The following DNAH7 variants were observed in gnomAD, a reference collection of about 807,000 sequenced individuals.
DNAH7 encodes dynein axonemal heavy chain 7.
DNAH7 carries 397 observed loss-of-function variants against 444.6 expected under a neutral mutation model. The observed-to-expected ratio is 0.89, with a 90% confidence interval of 0.82 to 0.97. The LOEUF is 0.97. Among genes scored for constraint, DNAH7 ranks in the 50% least tolerant of loss-of-function variants. DNAH7 has a pLI of 0.00. For synonymous variants in DNAH7, 1,636 were observed against 1,624.4 expected, an observed-to-expected ratio of 1.01 and a Z score of -0.17; for missense variants, 4,902 against 4,800.8, an observed-to-expected ratio of 1.02 and a Z score of -0.62.
At chr2:195,776,373 A>G (rs989494815) in intron 59 of DNAH7, among the ~76,000 whole-genome samples, 1 of 151,962 alleles carries the variant, frequency 6.6e-6, no homozygotes, top group African/African-American at 2.4e-5. Context: ...AACCCAGGAG[A>G]CAGAAGTTGC....
intron 19 of DNAH7, among the ~76,000 whole-genome samples, chr2:195,945,540 C>T (rs961180952): frequency 2.6e-5 from 4 of 152,104 alleles, no homozygotes; most frequent in African/African-American, 9.7e-5. Context: ...ATCCAAATCC[C>T]AAATGAGTGT....
chr2:195,903,339 T>C (rs1686820446), intron 27 of DNAH7: 1 of 152,164 alleles, frequency 6.6e-6, no homozygotes, highest in South Asian at 2.1e-4. Context: ...AGCTGGATTT[T>C]AGTTGAATGA....
intron 27 of DNAH7, among the ~76,000 whole-genome samples, chr2:195,906,233 A>C (rs780065577): frequency 6.6e-6 from 1 of 152,058 alleles, no homozygotes; most frequent in Non-Finnish European, 1.5e-5. Flanking sequence ...CAAAATTAGC[A>C]CTATTTTAAA....
At chr2:195,819,658 C>T (rs981136449) in intron 49 of DNAH7, among the ~76,000 whole-genome samples, 1 of 152,064 alleles carries the variant, frequency 6.6e-6, no homozygotes, top group Non-Finnish European at 1.5e-5. Context: ...TGAGAGTGGA[C>T]AGCTTGCAAT....
chr2:195,894,278 G>C (rs1702178713), intron 30 of DNAH7: 1 of 152,048 alleles, frequency 6.6e-6, no homozygotes, highest in Non-Finnish European at 1.5e-5. Context: ...GAGAAAGTAG[G>C]GGTAGCAATA....
chr2:196,068,510 G>T, intron 1 of DNAH7, 187 bp downstream of exon 1: 1 of 755,464 alleles, frequency 1.3e-6, no homozygotes, highest in Non-Finnish European at 2.0e-6. Context: ...CAAACAGCTG[G>T]GAAGGGAACT....
chr2:195,903,102 G>A (rs1383447802), intron 27 of DNAH7: 1 of 152,066 alleles, frequency 6.6e-6, no homozygotes, highest in Non-Finnish European at 1.5e-5. Context: ...TAATCTTCAT[G>A]TTTATCTCAG....
At chr2:195,816,441 T>C (rs1016696441) in intron 51 of DNAH7, among the ~76,000 whole-genome samples, 187 bp downstream of exon 51, 6 of 152,220 alleles carry the variant, frequency 3.9e-5, no homozygotes, top group African/African-American at 1.2e-4. Context: ...TCTTGGCAGA[T>C]TGAATTTGGA....
At chr2:195,872,724 A>C (rs547991635) in intron 39 of DNAH7, among the ~76,000 whole-genome samples, 1 of 152,266 alleles carries the variant, frequency 6.6e-6, no homozygotes, top group African/African-American at 2.4e-5. Context: ...ATGGACTTAA[A>C]ATCACTTAAG....
At chr2:195,935,076 G>C (rs1396166170) in intron 20 of DNAH7, among the ~76,000 whole-genome samples, 2 of 152,136 alleles carry the variant, frequency 1.3e-5, no homozygotes, top group African/African-American at 4.8e-5. Flanking sequence ...TCAATACAAT[G>C]AATTAAAAGA....
At chr2:195,976,780 A>AGAGAGAGAGAGAGAGAGAGG (rs1559295046) in intron 15 of DNAH7, among the ~76,000 whole-genome samples, 14 of 149,016 alleles carry the variant, frequency 9.4e-5, no homozygotes, top group African/African-American at 3.2e-4. Context: ...AGAGAGAGAG[A>AGAGAGAGAGAGAGAGAGAGG]GAGAGAGACT....
intron 29 of DNAH7, 98 bp from the exon 30 acceptor site, chr2:195,895,322 TCAA>T: frequency 1.3e-6 from 1 of 770,108 alleles, no homozygotes; most frequent in Non-Finnish European, 1.9e-6. Context: ...TAATAATAGT[TCAA>T]CAATATTTTT....
In DNAH7 at chr2:195,747,751, T is replaced by C. The variant is rs554025036; in HGVS notation, c.11764+6586A>G. On this transcript the variant is annotated intron_variant, in intron 63 of 64. Transcript: ENST00000312428. ...GACAAAAACCACATGATTATCTCAA[T>C]AGATGCAGAAAAGGCCTTTGACAAA... 6.6e-5 allele frequency among the ~76,000 whole-genome samples: 10 copies of C among 152,206 alleles called. No individual in the cohort carries two copies. In the East Asian group the frequency reaches 1.3e-3, roughly 21 times the overall value.
intron 13 of DNAH7, 106 bp downstream of exon 13, chr2:195,987,851 T>C: frequency 9.0e-7 from 1 of 1,105,372 alleles, no homozygotes; most frequent in East Asian, 2.4e-5. Context: ...ATTTTTCCTG[T>C]TGATGATAAT....
rs377758395 is a variant in DNAH7 at position 195,974,439 on chromosome 2, A to C, written c.1834-1973T>G. On this transcript the variant is annotated intron_variant, in intron 15 of 64. Transcript: ENST00000312428. ...GTAATAATCTTTTTTAAAATATAGAAATATTTGAAATATCAGGCAATGAAT... is the reference window on the plus strand; with the variant it reads ...GTAATAATCTTTTTTAAAATATAGACATATTTGAAATATCAGGCAATGAAT... Among the ~76,000 whole-genome samples the C allele has an allele frequency of 5.9e-5, 9 of 152,306 alleles. No homozygotes were observed. In the East Asian group the frequency reaches 1.2e-3, roughly 20 times the overall value.
At chr2:196,034,377 C>T (rs1019797390) in intron 5 of DNAH7, among the ~76,000 whole-genome samples, 1 of 151,950 alleles carries the variant, frequency 6.6e-6, no homozygotes, top group Admixed American at 6.5e-5. Flanking sequence ...TGAGAGCAAC[C>T]GAAGATCTAA....
chr2:196,063,379 T>A (rs1256375793), intron 1 of DNAH7: 1 of 152,200 alleles, frequency 6.6e-6, no homozygotes, highest in East Asian at 1.9e-4. Context: ...GATTCCCAGG[T>A]TGCAGGAATT....
chr2:195,925,995 A>G (rs1339959926), intron 22 of DNAH7, among the ~76,000 whole-genome samples: 1 of 152,140 alleles, frequency 6.6e-6, no homozygotes, highest in Non-Finnish European at 1.5e-5. Context: ...CACAATCAAT[A>G]CATTAGAAAT....
At chr2:195,914,870 T>A (rs1457991546) in intron 24 of DNAH7, among the ~76,000 whole-genome samples, 1 of 152,060 alleles carries the variant, frequency 6.6e-6, no homozygotes, top group Non-Finnish European at 1.5e-5. Context: ...CCATGTTGGC[T>A]AGGCTGGTCT....
Sources: allele counts gnomAD v4.1 joint callset (sites outside exome capture counted in the v4.1 genomes callset), GRCh38; gene constraint gnomAD v4.1.1; transcripts MANE v1.5; gene names NCBI Gene and HGNC (gene_info 2026-07-23, HGNC 2026-07-21).